The following ABTB3 variants were observed in gnomAD, a reference collection of about 807,000 sequenced individuals.
ABTB3 encodes ankyrin repeat- and BTB/POZ domain-containing protein 3.
the ABTB3 span, among the ~76,000 whole-genome samples, chr12:107,569,072 AC>A: frequency 1.3e-5 from 2 of 152,216 alleles, no homozygotes; most frequent in Non-Finnish European, 2.9e-5. Flanking sequence ...TTACAAGGGA[AC>A]TAGAATATCA....
the ABTB3 span, among the ~76,000 whole-genome samples, chr12:107,568,996 G>A: frequency 6.6e-6 from 1 of 152,218 alleles, no homozygotes; most frequent in African/African-American, 2.4e-5. Context: ...GATCAGGGCT[G>A]AAGCACACAT....
the ABTB3 span, among the ~76,000 whole-genome samples, chr12:107,638,797 C>T: frequency 6.6e-6 from 1 of 152,176 alleles, no homozygotes; most frequent in African/African-American, 2.4e-5. Context: ...TTCCATTTTA[C>T]AGAAGGAGAA....
chr12:107,397,116 C>A, the ABTB3 span, among the ~76,000 whole-genome samples: 1 of 152,224 alleles, frequency 6.6e-6, no homozygotes, highest in Non-Finnish European at 1.5e-5. Context: ...CTTGGAACCC[C>A]AGTGGGAGGT....
At chr12:107,444,914 G>T in the ABTB3 span, among the ~76,000 whole-genome samples, 1 of 152,146 alleles carries the variant, frequency 6.6e-6, no homozygotes, top group African/African-American at 2.4e-5. Context: ...ACCACAGAGT[G>T]CTCCAGAGAG....
the ABTB3 span, among the ~76,000 whole-genome samples, chr12:107,555,172 G>C: frequency 0.017 from 2,575 of 152,284 alleles, 71 homozygotes; most frequent in African/African-American, 0.057. Context: ...CTCTAACATG[G>C]CTCAGGAATG....
the ABTB3 span, among the ~76,000 whole-genome samples, chr12:107,553,623 A>T: frequency 6.6e-6 from 1 of 152,122 alleles, no homozygotes; most frequent in African/African-American, 2.4e-5. Flanking sequence ...AGGTGGCAGG[A>T]CGTTCTCCTG....
chr12:107,614,205 G>A, the ABTB3 span, among the ~76,000 whole-genome samples: 16 of 152,186 alleles, frequency 1.1e-4, no homozygotes, highest in African/African-American at 3.6e-4. Context: ...GATCTTGCAA[G>A]ACCCTGGCCT....
At chr12:107,481,924 TC>T in the ABTB3 span, among the ~76,000 whole-genome samples, 1 of 150,552 alleles carries the variant, frequency 6.6e-6, no homozygotes, top group Non-Finnish European at 1.5e-5. Flanking sequence ...TCTCTCTCTC[TC>T]TCTTTCTTTC....
chr12:107,593,197 T>C, the ABTB3 span, among the ~76,000 whole-genome samples: 2 of 152,168 alleles, frequency 1.3e-5, no homozygotes, highest in Admixed American at 1.3e-4. Context: ...AGTAAAGTTG[T>C]GTGGGAAAAC....
chr12:107,440,642 G>A, the ABTB3 span, among the ~76,000 whole-genome samples: 1 of 152,078 alleles, frequency 6.6e-6, no homozygotes, highest in Non-Finnish European at 1.5e-5. Flanking sequence ...AGCCTGTGAT[G>A]GTCCCATTTC....
chr12:107,614,333 G>A, the ABTB3 span, among the ~76,000 whole-genome samples: 11 of 152,196 alleles, frequency 7.2e-5, no homozygotes, highest in South Asian at 6.2e-4. Flanking sequence ...CCCATATTTC[G>A]GTAGTGCAAG....
At chr12:107,648,232 C>G in the ABTB3 span, among the ~76,000 whole-genome samples, 3 of 151,982 alleles carry the variant, frequency 2.0e-5, no homozygotes, top group African/African-American at 7.2e-5. Context: ...ATACAAAAAA[C>G]TAGCCGGGCG....
the ABTB3 span, among the ~76,000 whole-genome samples, chr12:107,653,299 G>A: frequency 1.3e-5 from 2 of 152,166 alleles, no homozygotes; most frequent in African/African-American, 4.8e-5. Flanking sequence ...GGTGGATCAC[G>A]AGGTCAGGAG....
the ABTB3 span, among the ~76,000 whole-genome samples, chr12:107,412,042 A>G: frequency 0.018 from 2,730 of 152,258 alleles, 95 homozygotes; most frequent in African/African-American, 0.061. Context: ...AACCTGAAGG[A>G]TGAGCAACCG....
At chr12:107,401,820 A>T in the ABTB3 span, among the ~76,000 whole-genome samples, 1 of 152,182 alleles carries the variant, frequency 6.6e-6, no homozygotes, top group Non-Finnish European at 1.5e-5. Context: ...ATAATAAGAA[A>T]TAAAAGGAAT....
the ABTB3 span, chr12:107,581,391 C>T: frequency 1.7e-6 from 2 of 1,148,728 alleles, no homozygotes; most frequent in Admixed American, 4.5e-5. Context: ...CCCCGCTGGG[C>T]GGCCTGAGCC....
the ABTB3 span, among the ~76,000 whole-genome samples, chr12:107,375,323 T>C: frequency 6.6e-6 from 1 of 151,816 alleles, no homozygotes; most frequent in African/African-American, 2.4e-5. Context: ...GAGGTTGAGG[T>C]GGAAGGATCA....
At chr12:107,449,086 C>T in the ABTB3 span, among the ~76,000 whole-genome samples, 1,047 of 152,306 alleles carry the variant, frequency 6.9e-3, 48 homozygotes, top group East Asian at 0.13. Context: ...ACTTGTTAAT[C>T]GTGTGGCCTT....
the ABTB3 span, among the ~76,000 whole-genome samples, chr12:107,553,361 T>C: frequency 6.6e-6 from 1 of 152,208 alleles, no homozygotes. Flanking sequence ...CTTCCCATTT[T>C]ACAGATGAGG....
Sources: gnomAD v4.1 joint callset for allele counts (sites outside exome capture counted in the v4.1 genomes callset) on GRCh38, gnomAD v4.1.1 for gene constraint, MANE v1.5 for transcripts, NCBI Gene and HGNC (gene_info 2026-07-23, HGNC 2026-07-21) for gene names.